The following C13orf42 variants were observed in gnomAD, a reference collection of about 807,000 sequenced individuals.
C13orf42 encodes uncharacterized protein C13orf42.
At chr13:51,103,411 G>A (rs947815253) in intron 1 of C13orf42, among the ~76,000 whole-genome samples, 3 of 152,104 alleles carry the variant, frequency 2.0e-5, no homozygotes, top group Non-Finnish European at 4.4e-5. Flanking sequence ...TAGAAAGAAA[G>A]GAAGTTCTGG....
chr13:51,091,396 G>C (rs1238185878), intron 1 of C13orf42, among the ~76,000 whole-genome samples: 2 of 152,158 alleles, frequency 1.3e-5, no homozygotes, highest in Non-Finnish European at 2.9e-5. Flanking sequence ...CCACTGCCTT[G>C]CCCTAAATCC....
chr13:51,153,559 A>AGT (rs1254169457), intron 1 of C13orf42, among the ~76,000 whole-genome samples: 2 of 151,590 alleles, frequency 1.3e-5, no homozygotes, highest in Admixed American at 1.3e-4. Context: ...AACCATTTTA[A>AGT]GTGTACTGCT....
At chr13:51,162,345 G>A (rs576040886) in intron 1 of C13orf42, 43 of 173,902 alleles carry the variant, frequency 2.5e-4, no homozygotes, top group African/African-American at 8.5e-4. Context: ...CCCACCCTGC[G>A]GAACAGACCC....
chr13:51,143,478 G>A (rs1272105405), intron 1 of C13orf42, among the ~76,000 whole-genome samples: 4 of 114,998 alleles, frequency 3.5e-5, no homozygotes, highest in Non-Finnish European at 7.5e-5. Flanking sequence ...AAGACTTATG[G>A]AAGTTATATT....
At chr13:51,147,357 C>T (rs1049573111) in intron 1 of C13orf42, among the ~76,000 whole-genome samples, 18 of 152,190 alleles carry the variant, frequency 1.2e-4, no homozygotes, top group African/African-American at 1.7e-4. Context: ...GGGCAGGGGC[C>T]TGGGTCCCAG....
chr13:51,113,755 C>T (rs866005524), upstream of C13orf42, among the ~76,000 whole-genome samples: 3 of 152,140 alleles, frequency 2.0e-5, no homozygotes, highest in South Asian at 2.1e-4. Flanking sequence ...AAAGAAACTA[C>T]AAGTGCCCAT....
chr13:51,104,419 G>C (rs1953326972), intron 1 of C13orf42, among the ~76,000 whole-genome samples: 1 of 152,170 alleles, frequency 6.6e-6, no homozygotes, highest in South Asian at 2.1e-4. Context: ...GAGCGTGGTG[G>C]CTCACACCCG....
chr13:51,159,501 T>C (rs1006816317), intron 1 of C13orf42, among the ~76,000 whole-genome samples: 3 of 152,218 alleles, frequency 2.0e-5, no homozygotes, highest in Admixed American at 1.3e-4. Flanking sequence ...ACATAGATTA[T>C]AGAAAATATA....
At chr13:51,112,925 C>G (rs1031368151), upstream of C13orf42, among the ~76,000 whole-genome samples, 9 of 152,194 alleles carry the variant, frequency 5.9e-5, no homozygotes, top group African/African-American at 2.2e-4. Flanking sequence ...ACTTCCCTAC[C>G]TTGACTCATG....
rs1172119364 is a variant in C13orf42, at chr13:51,155,877, G to T, written n.136+16376C>A. Among the ~76,000 whole-genome samples the T allele has an allele frequency of 4.6e-5, 7 of 152,260 alleles. No homozygotes were observed. In the East Asian group the frequency reaches 9.6e-4, roughly 21 times the overall value. On this transcript the variant is annotated intron_variant and non_coding_transcript_variant, in intron 1 of 4. Coordinates refer to the C13orf42 transcript ENST00000433280. ...ACTGTCACCACGTGGTCAGGGAGGG[G>T]AAAATTACCAGAATCCAGATGGGAA...
chr13:51,167,329 G>A (rs1452912688), intron 1 of C13orf42, among the ~76,000 whole-genome samples: 1 of 152,094 alleles, frequency 6.6e-6, no homozygotes, highest in Admixed American at 6.6e-5. Flanking sequence ...AAGGGAGAGT[G>A]ACCCTGGCAT....
At chr13:51,135,174 G>T (rs1381538355) in intron 1 of C13orf42, among the ~76,000 whole-genome samples, 1 of 152,210 alleles carries the variant, frequency 6.6e-6, no homozygotes, top group African/African-American at 2.4e-5. Flanking sequence ...TGCTCAGCCT[G>T]GCAGTGGAAC....
At position 51,119,833 on chromosome 13, in the gene C13orf42, T is replaced by C. The variant is rs551032519; in HGVS notation, n.137-6611A>G. ...AAAGAGTTCTGGAGGCGGATGGTGG[T>C]GGCTGCACAGTGTGAATGTACTTAA... is the stretch of plus-strand genomic sequence containing the variant. On this transcript the variant is annotated intron_variant and non_coding_transcript_variant, in intron 1 of 4. Coordinates refer to the C13orf42 transcript ENST00000433280. Among the ~76,000 whole-genome samples the C allele has an allele frequency of 8.5e-5, 13 of 152,230 alleles. No individual in the cohort carries two copies. In the East Asian group the frequency reaches 2.3e-3, roughly 27 times the overall value.
chr13:51,150,970 T>A (rs749791513), intron 1 of C13orf42, among the ~76,000 whole-genome samples: 2 of 152,156 alleles, frequency 1.3e-5, no homozygotes, highest in Non-Finnish European at 2.9e-5. Flanking sequence ...AGTACAGAGC[T>A]GTAGAATCTT....
intron 1 of C13orf42, among the ~76,000 whole-genome samples, chr13:51,120,158 A>C (rs1240479785): frequency 6.6e-6 from 1 of 152,166 alleles, no homozygotes; most frequent in African/African-American, 2.4e-5. Flanking sequence ...TACAGTAATA[A>C]TCATGGTTAA....
At chr13:51,129,709 T>C (rs1566134409) in intron 1 of C13orf42, among the ~76,000 whole-genome samples, 3 of 152,198 alleles carry the variant, frequency 2.0e-5, no homozygotes, top group Admixed American at 6.5e-5. Context: ...AAAAAAGGAT[T>C]TGTGAGCCTA....
intron 1 of C13orf42, among the ~76,000 whole-genome samples, chr13:51,141,005 T>C (rs1422948293): frequency 1.3e-5 from 2 of 151,916 alleles, no homozygotes; most frequent in African/African-American, 4.8e-5. Flanking sequence ...AGCTGAAATA[T>C]GGTAATAAGA....
At chr13:51,144,335 T>C (rs562890792) in intron 1 of C13orf42, among the ~76,000 whole-genome samples, 211 of 102,192 alleles carry the variant, frequency 2.1e-3, no homozygotes, top group Middle Eastern at 0.01. Context: ...TTTTTCTGAG[T>C]CTTAAAACTT....
chr13:51,138,174 A>G (rs568382288), intron 1 of C13orf42, among the ~76,000 whole-genome samples: 11 of 152,344 alleles, frequency 7.2e-5, no homozygotes, highest in South Asian at 4.1e-4. Context: ...TCATAGAGCT[A>G]CACCTACAAA....
Sources: gnomAD v4.1 joint callset for allele counts (sites outside exome capture counted in the v4.1 genomes callset) on GRCh38, gnomAD v4.1.1 for gene constraint, MANE v1.5 for transcripts, NCBI Gene and HGNC (gene_info 2026-07-23, HGNC 2026-07-21) for gene names.